The following DOCK4 variants were observed in gnomAD, a reference collection of about 807,000 sequenced individuals.
The protein encoded by DOCK4 is dedicator of cytokinesis 4, also known as dedicator of cytokinesis protein 4.
In DOCK4, 97 loss-of-function variants were observed where a neutral mutation model predicts 268.1. That is an observed-to-expected ratio of 0.36 (90% confidence interval 0.31 to 0.43). The LOEUF (loss-of-function observed/expected upper bound fraction) is 0.43, where lower values mean the gene tolerates loss of function less well. Among genes scored for constraint, DOCK4 ranks in the 20% least tolerant of loss-of-function variants. The probability of loss-of-function intolerance (pLI) is 1.00; values close to 1 mark genes in which losing one functional copy is unlikely to be tolerated. For missense variants in DOCK4, 2,145 were observed against 2,455.7 expected (o/e 0.87, Z 2.67); for synonymous variants, 954 against 887.2 (o/e 1.08, Z -1.34).
intron 12 of DOCK4, among the ~76,000 whole-genome samples, chr7:111,920,212 G>C (rs1792986623): frequency 1.3e-5 from 2 of 152,132 alleles, no homozygotes; most frequent in South Asian, 4.1e-4. Flanking sequence ...AGACGTTCTA[G>C]AGAGCTATTG....
rs1368843330 is a variant in DOCK4 at position 111,863,539 on chromosome 7, G to A, written c.2306C>T (p.Ala769Val). Residue 769 changes from alanine (A) to valine (V), a missense_variant, in exon 23 of 53, where the codon GCC becomes GTC. By Grantham distance (64) the Ala-to-Val change is moderately conservative. Coordinates refer to ENST00000428084, the MANE Select transcript of DOCK4 (RefSeq NM_001363540.2). ...GAGCTTCAACAGTTCTGAGTACACGGCAGGGAAAGAGCTCAGAAACACAGC... is the reference window on the plus strand; with the variant it reads ...GAGCTTCAACAGTTCTGAGTACACGACAGGGAAAGAGCTCAGAAACACAGC... ...SQAVFLSSFP[A>V]VYSELLKLFD... 6.2e-7 allele frequency: 1 copy of A among 1,608,794 alleles called. No homozygotes were observed. The highest frequency in any genetic ancestry group is 8.5e-7 in the Non-Finnish European group (1 of 1,176,292).
intron 25 of DOCK4, among the ~76,000 whole-genome samples, chr7:111,837,539 T>C (rs757150255): frequency 2.0e-5 from 3 of 152,292 alleles, no homozygotes; most frequent in Admixed American, 6.5e-5. Flanking sequence ...CTGGAACTAA[T>C]TGAGTTTATT....
chr7:112,084,665 G>C (rs1363286219), intron 1 of DOCK4, among the ~76,000 whole-genome samples: 1 of 152,072 alleles, frequency 6.6e-6, no homozygotes, highest in Admixed American at 6.6e-5. Context: ...GAAATTTCAA[G>C]ACATGCATAA....
At chr7:111,831,689 A>G (rs537014564) in intron 26 of DOCK4, among the ~76,000 whole-genome samples, 4 of 151,910 alleles carry the variant, frequency 2.6e-5, no homozygotes, top group East Asian at 1.9e-4. Context: ...GTCTTGCCAT[A>G]TTGCCCAGGC....
intron 1 of DOCK4, among the ~76,000 whole-genome samples, chr7:112,123,358 G>A (rs1812917972): frequency 6.6e-6 from 1 of 152,126 alleles, no homozygotes; most frequent in African/African-American, 2.4e-5. Flanking sequence ...ATGTCAAAGT[G>A]CCGTATTTGG....
intron 8 of DOCK4, among the ~76,000 whole-genome samples, chr7:111,961,086 T>C (rs938451786): frequency 2.6e-5 from 4 of 152,238 alleles, no homozygotes; most frequent in African/African-American, 7.2e-5. Flanking sequence ...TTGCTCCACG[T>C]CTGCTTGCCT....
At position 111,939,642 on chromosome 7, in the gene DOCK4, T is replaced by C. The variant is rs116866698; in HGVS notation, c.977+468A>G. On this transcript the variant is annotated intron_variant, in intron 11 of 52. Coordinates refer to ENST00000428084, the MANE Select transcript of DOCK4 (RefSeq NM_001363540.2). ...ATAGGATTGCAAAAATTTCAAAAAA[T>C]TGCAACCTCAGGCATAAATGGGTTA... Among the ~76,000 whole-genome samples, 170 of 152,200 alleles carry C rather than the reference T, an allele frequency of 1.1e-3. 4 individuals are homozygous for C. The East Asian group carries it at 0.028, about 25-fold the overall frequency.
At chr7:112,059,631 A>T (rs1209441498) in intron 1 of DOCK4, among the ~76,000 whole-genome samples, 1 of 152,154 alleles carries the variant, frequency 6.6e-6, no homozygotes, top group Non-Finnish European at 1.5e-5. Context: ...GATATCCAAC[A>T]TTGTTTCCTC....
chr7:111,935,511 A>G (rs970173366), intron 12 of DOCK4, 29 bp downstream of exon 12: 4 of 1,602,650 alleles, frequency 2.5e-6, no homozygotes, highest in Admixed American at 3.3e-5. Flanking sequence ...CGAAAAGTGT[A>G]GGGAAAGTCA....
chr7:112,007,431 T>C (rs1800950173), intron 1 of DOCK4, among the ~76,000 whole-genome samples: 1 of 152,150 alleles, frequency 6.6e-6, no homozygotes, highest in Non-Finnish European at 1.5e-5. Flanking sequence ...ATCTAAGGAA[T>C]AAGTTTTAAA....
chr7:112,168,931 C>G (rs1470371133), intron 1 of DOCK4, among the ~76,000 whole-genome samples: 3 of 152,110 alleles, frequency 2.0e-5, no homozygotes, highest in African/African-American at 7.2e-5. Flanking sequence ...CCTGGGTGGT[C>G]CTTTTAGAAA....
At chr7:111,782,121 A>G (rs1798822332) in intron 35 of DOCK4, among the ~76,000 whole-genome samples, 1 of 152,226 alleles carries the variant, frequency 6.6e-6, no homozygotes, top group South Asian at 2.1e-4. Flanking sequence ...TTTGACTTAC[A>G]TTAAAATATG....
intron 1 of DOCK4, among the ~76,000 whole-genome samples, chr7:112,187,594 T>C (rs1219254524): frequency 1.3e-5 from 2 of 152,144 alleles, no homozygotes; most frequent in Non-Finnish European, 2.9e-5. Flanking sequence ...CAAGCGAAAG[T>C]AGGAGAGAAG....
intron 1 of DOCK4, among the ~76,000 whole-genome samples, chr7:112,122,674 T>C (rs1225025732): frequency 2.0e-5 from 3 of 152,242 alleles, no homozygotes; most frequent in Non-Finnish European, 4.4e-5. Context: ...GAGGATGATA[T>C]ATTTGAATTT....
intron 15 of DOCK4, among the ~76,000 whole-genome samples, chr7:111,897,534 C>T (rs1808857085): frequency 6.6e-6 from 1 of 152,158 alleles, no homozygotes; most frequent in African/African-American, 2.4e-5. Context: ...GGAGCTGGAT[C>T]ATACTGGCCC....
intron 27 of DOCK4, among the ~76,000 whole-genome samples, chr7:111,818,437 G>GCAC (rs111866302): frequency 0.095 from 14,376 of 152,052 alleles, 2,164 homozygotes; most frequent in African/African-American, 0.32. Flanking sequence ...TAGGTGAATG[G>GCAC]CACAATTCAT....
intron 1 of DOCK4, among the ~76,000 whole-genome samples, chr7:112,018,179 A>AAACAAC: frequency 4.1e-5 from 3 of 72,630 alleles, no homozygotes; most frequent in South Asian, 4.4e-4. Flanking sequence ...AAAAAAAAAA[A>AAACAAC]ACACAGGCAA....
At position 111,844,213 on chromosome 7, in the gene DOCK4, T is replaced by C. The variant is rs189615785; in HGVS notation, c.2736+550A>G. On this transcript the variant is annotated intron_variant, in intron 25 of 52. Transcript: ENST00000428084. ...ATTACTTGAACCCGGGAGATGGAGG[T>C]TGTAGTAAGCCAAGATCACACACTC... Among the ~76,000 whole-genome samples the C allele has an allele frequency of 1.5e-3, 220 of 150,794 alleles. 1 individual carries two copies. The highest frequency in any genetic ancestry group is 1.1e-3 in the Non-Finnish European group (72 of 67,704).
intron 37 of DOCK4, 72 bp from the exon 38 acceptor site, chr7:111,767,190 A>G: frequency 8.0e-7 from 1 of 1,245,788 alleles, no homozygotes; most frequent in Non-Finnish European, 1.2e-6. Context: ...AAGTCAGAAC[A>G]TGAGTGCTTT....
Sources: gnomAD v4.1 joint callset for allele counts (sites outside exome capture counted in the v4.1 genomes callset) on GRCh38, gnomAD v4.1.1 for gene constraint, MANE v1.5 for transcripts, NCBI Gene and HGNC (gene_info 2026-07-23, HGNC 2026-07-21) for gene names.